The following TPRG1 variants were observed in gnomAD, a reference collection of about 807,000 sequenced individuals.
The protein encoded by TPRG1 is tumor protein p63-regulated gene 1 protein.
TPRG1 carries 29 observed loss-of-function variants against 29.3 expected under a neutral mutation model. The ratio of observed to expected loss-of-function variants is 0.99; its 90% CI spans 0.74 to 1.35. The LOEUF (loss-of-function observed/expected upper bound fraction) is 1.35, where lower values mean the gene tolerates loss of function less well. Among genes scored for constraint, TPRG1 ranks in the 40% most tolerant of loss-of-function variants. The pLI is 0.00. For synonymous variants in TPRG1, 130 were observed against 116.8 expected, an observed-to-expected ratio of 1.11 and a Z score of -0.73; for missense variants, 327 against 335.0, an observed-to-expected ratio of 0.98 and a Z score of 0.19.
intron 4 of TPRG1, among the ~76,000 whole-genome samples, chr3:189,243,273 C>A (rs1206349479): frequency 6.6e-6 from 1 of 152,102 alleles, no homozygotes; most frequent in Non-Finnish European, 1.5e-5. Flanking sequence ...TTCTAAGTGA[C>A]CAGATCTCAC....
At chr3:189,003,344 C>T (rs1227615606) in intron 2 of TPRG1, among the ~76,000 whole-genome samples, 1 of 152,236 alleles carries the variant, frequency 6.6e-6, no homozygotes, top group East Asian at 1.9e-4. Context: ...AACCAATAAG[C>T]CCCATGGCTC....
intron 1 of TPRG1, among the ~76,000 whole-genome samples, chr3:189,175,594 A>G (rs1322221026): frequency 6.6e-6 from 1 of 152,224 alleles, no homozygotes. Flanking sequence ...CTGTGTAGGC[A>G]CACCTTAGCT....
chr3:189,163,324 C>T (rs1226941755), intron 5 of TPRG1, among the ~76,000 whole-genome samples: 2 of 152,092 alleles, frequency 1.3e-5, no homozygotes, highest in African/African-American at 4.8e-5. Flanking sequence ...TTTTCTCTGA[C>T]TATTTCTCTC....
In TPRG1 at chr3:189,238,727, C is replaced by T. The variant is rs529318101; in HGVS notation, c.303-6C>T. ...CAATTTTTATTTGCTATGATGATTC[C>T]TATAGGATAGACCACTGGAACAATG... is the stretch of plus-strand genomic sequence containing the variant. On this transcript the variant is annotated splice_polypyrimidine_tract_variant and splice_region_variant and intron_variant, in intron 3 of 5. Transcript: ENST00000345063. 1 of 1,605,230 alleles carries T rather than the reference C, an allele frequency of 6.2e-7. No individual in the cohort carries two copies. Among genetic ancestry groups the T allele is most frequent in the African/African-American group, 1.3e-5 (1 of 74,746 alleles).
chr3:189,193,615 CT>C (rs3065369), intron 1 of TPRG1, among the ~76,000 whole-genome samples: 21,725 of 148,022 alleles, frequency 0.15, 2,277 homozygotes, highest in African/African-American at 0.29. Flanking sequence ...ATTCTTAGTT[CT>C]TTTTTTTTTT....
upstream of TPRG1, among the ~76,000 whole-genome samples, chr3:189,096,581 G>A (rs890977805): frequency 6.6e-6 from 1 of 152,138 alleles, no homozygotes; most frequent in Non-Finnish European, 1.5e-5. Context: ...ACTCCTTTGT[G>A]TGCTTTAAAA....
At chr3:189,062,098 G>A (rs1447405067) in intron 4 of TPRG1, among the ~76,000 whole-genome samples, 1 of 152,156 alleles carries the variant, frequency 6.6e-6, no homozygotes, top group Non-Finnish European at 1.5e-5. Context: ...ATGTTATACT[G>A]TGCAGCCATA....
intron 1 of TPRG1, among the ~76,000 whole-genome samples, chr3:189,175,971 T>C (rs1729437478): frequency 6.6e-6 from 1 of 152,172 alleles, no homozygotes. Flanking sequence ...AGAAGATTCT[T>C]GATATCCTGA....
intron 3 of TPRG1, among the ~76,000 whole-genome samples, chr3:189,006,958 GGC>G (rs1191749117): frequency 6.6e-6 from 1 of 152,000 alleles, no homozygotes; most frequent in Non-Finnish European, 1.5e-5. Flanking sequence ...AGAAAACCTA[GGC>G]ATTACCATTC....
intron 4 of TPRG1, among the ~76,000 whole-genome samples, chr3:189,270,111 C>T (rs929703344): frequency 1.4e-4 from 21 of 150,582 alleles, no homozygotes; most frequent in Admixed American, 9.9e-4. Flanking sequence ...GTTCAAAGTC[C>T]GATCTTCAGA....
chr3:189,052,380 A>G (rs1715378863), intron 4 of TPRG1, among the ~76,000 whole-genome samples: 2 of 152,204 alleles, frequency 1.3e-5, no homozygotes, highest in Admixed American at 1.3e-4. Flanking sequence ...GCAAATCAAA[A>G]CTACAATGAG....
At chr3:189,316,297 T>C (rs1723512314) in intron 5 of TPRG1, among the ~76,000 whole-genome samples, 3 of 152,274 alleles carry the variant, frequency 2.0e-5, no homozygotes, top group Admixed American at 6.5e-5. Context: ...CCAGGAAAAA[T>C]GTGCAAAGAT....
chr3:189,152,056 A>C (rs528249051), intron 5 of TPRG1, among the ~76,000 whole-genome samples: 1 of 152,066 alleles, frequency 6.6e-6, no homozygotes, highest in Non-Finnish European at 1.5e-5. Flanking sequence ...GCAGATGTGC[A>C]TGGCTTGGTG....
chr3:189,068,431 T>TA (rs992987314), intron 4 of TPRG1, among the ~76,000 whole-genome samples: 4 of 152,008 alleles, frequency 2.6e-5, no homozygotes, highest in African/African-American at 9.7e-5. Flanking sequence ...ATGAATGGAT[T>TA]AAAAAAAGAT....
chr3:189,129,479 C>A (rs890844933), intron 2 of TPRG1, among the ~76,000 whole-genome samples: 1 of 152,144 alleles, frequency 6.6e-6, no homozygotes. Context: ...TGTAAATTTG[C>A]TGTTTCCCCC....
At position 189,052,272 on chromosome 3, in the gene TPRG1, T is replaced by C. The variant is rs185350919; in HGVS notation, c.-463+28326T>C. Among the ~76,000 whole-genome samples the C allele has an allele frequency of 1.7e-3, 257 of 152,156 alleles. 4 individuals carry two copies. The highest frequency in any genetic ancestry group is 6.0e-3 in the African/African-American group (248 of 41,506). ...AAAAACAAACAATGCCATCAATAAG[T>C]GGGTTAAGGACATGAACAGACAGTT... On this transcript the variant is annotated intron_variant, in intron 4 of 10. Transcript: ENST00000433971.
chr3:189,205,498 G>C (rs1295704058), intron 1 of TPRG1, among the ~76,000 whole-genome samples: 2 of 152,156 alleles, frequency 1.3e-5, no homozygotes, highest in Admixed American at 6.5e-5. Context: ...TTTACCTCTT[G>C]TGAATAGCCT....
chr3:189,299,221 G>A (rs1305183877), intron 4 of TPRG1, among the ~76,000 whole-genome samples: 1 of 151,964 alleles, frequency 6.6e-6, no homozygotes, highest in East Asian at 1.9e-4. Context: ...CATAATGAAG[G>A]GAGTTGCCTC....
At chr3:189,220,749 C>T (rs10755142) in intron 3 of TPRG1, among the ~76,000 whole-genome samples, 99,370 of 152,026 alleles carry the variant, frequency 0.65, 33,560 homozygotes, top group African/African-American at 0.84. Context: ...CAACTCCATC[C>T]ATGTCCCTGC....
Sources: gnomAD v4.1 joint callset for allele counts (sites outside exome capture counted in the v4.1 genomes callset) on GRCh38, gnomAD v4.1.1 for gene constraint, MANE v1.5 for transcripts, NCBI Gene and HGNC (gene_info 2026-07-23, HGNC 2026-07-21) for gene names.